Variants in ATP9B observed in about 807,000 individuals in gnomAD.
ATP9B encodes the protein ATPase phospholipid transporting 9B, also known as probable phospholipid-transporting ATPase IIB.
In ATP9B, 110 loss-of-function variants were observed where a neutral mutation model predicts 146.1. That is an observed-to-expected ratio of 0.75 (90% CI 0.65 to 0.88). The LOEUF (loss-of-function observed/expected upper bound fraction) is 0.88. Ranked by LOEUF, ATP9B falls within the 40% of genes least tolerant of loss-of-function variation. ATP9B has a pLI of 0.00. For synonymous variants in ATP9B, 604 were observed against 569.7 expected, an observed-to-expected ratio of 1.06 and a Z score of -0.86; for missense variants, 1,499 against 1,496.4, an observed-to-expected ratio of 1.00 and a Z score of -0.03.
rs188019543 is a variant in ATP9B, at chr18:79,331,640, C to G, written c.2028+1536C>G. ...GAAATGAGGCAGCAGATTCTTCGAGCTGGAGTTAAAAGTGTATTATTCTGC... is the reference window on the plus strand; with the variant it reads ...GAAATGAGGCAGCAGATTCTTCGAGGTGGAGTTAAAAGTGTATTATTCTGC... On this transcript the variant is annotated intron_variant, in intron 17 of 29. Coordinates refer to ENST00000426216, the MANE Select transcript of ATP9B (RefSeq NM_198531.5). Among the ~76,000 whole-genome samples, 248 of 152,074 alleles carry G rather than the reference C, an allele frequency of 1.6e-3. 1 individual carries two copies. Among genetic ancestry groups the G allele is most frequent in the African/African-American group, 5.7e-3 (238 of 41,462 alleles).
intron 9 of ATP9B, among the ~76,000 whole-genome samples, chr18:79,198,360 A>G (rs1284819404): frequency 6.6e-6 from 1 of 152,246 alleles, no homozygotes; most frequent in Non-Finnish European, 1.5e-5. Context: ...GGAGTTACTT[A>G]TAGTAATATC....
intron 9 of ATP9B, among the ~76,000 whole-genome samples, chr18:79,199,214 G>A (rs1047482477): frequency 1.3e-5 from 2 of 152,122 alleles, no homozygotes; most frequent in East Asian, 3.9e-4. Flanking sequence ...GCCTCCCAAA[G>A]TGCTGGGATT....
chr18:79,125,777 TCTA>T (rs745668713), intron 4 of ATP9B, among the ~76,000 whole-genome samples: 24 of 152,218 alleles, frequency 1.6e-4, no homozygotes, highest in Admixed American at 5.2e-4. Flanking sequence ...AATTGTTCAT[TCTA>T]CTGCAGTTAT....
intron 17 of ATP9B, among the ~76,000 whole-genome samples, chr18:79,335,813 T>C (rs957437365): frequency 1.3e-5 from 2 of 152,240 alleles, no homozygotes; most frequent in East Asian, 3.8e-4. Context: ...AGCAACACTC[T>C]TATGAGCCCA....
intron 7 of ATP9B, among the ~76,000 whole-genome samples, chr18:79,165,575 C>T (rs1348361972): frequency 2.6e-5 from 4 of 152,144 alleles, no homozygotes; most frequent in Admixed American, 2.6e-4. Context: ...AGTTATTTAC[C>T]TTTAGGAATA....
intron 11 of ATP9B, among the ~76,000 whole-genome samples, chr18:79,228,962 T>C (rs947969870): frequency 6.6e-6 from 1 of 152,066 alleles, no homozygotes; most frequent in African/African-American, 2.4e-5. Flanking sequence ...AACCAGGAGG[T>C]TGAGGCTGCA....
intron 11 of ATP9B, among the ~76,000 whole-genome samples, chr18:79,238,332 G>T (rs1301312910): frequency 6.6e-6 from 1 of 151,762 alleles, no homozygotes; most frequent in African/African-American, 2.4e-5. Flanking sequence ...TCTCAAGGCT[G>T]TGGGGAGGTC....
intron 19 of ATP9B, among the ~76,000 whole-genome samples, chr18:79,341,936 A>T (rs1430625659): frequency 2.6e-5 from 4 of 152,048 alleles, no homozygotes; most frequent in Non-Finnish European, 4.4e-5. Context: ...AAACCCTGGC[A>T]CCCACCATCT....
intron 1 of ATP9B, chr18:79,087,489 A>G (rs1418067828): frequency 6.6e-6 from 1 of 152,248 alleles, no homozygotes; most frequent in Non-Finnish European, 1.5e-5. Flanking sequence ...ACATTTCTTT[A>G]TAGCACTTAG....
At chr18:79,242,307 A>G (rs2144731528) in intron 11 of ATP9B, among the ~76,000 whole-genome samples, 1 of 152,298 alleles carries the variant, frequency 6.6e-6, no homozygotes, top group African/African-American at 2.4e-5. Flanking sequence ...TATTATATTA[A>G]TGTATTTTAC....
chr18:79,177,602 T>G (rs2095193463), intron 8 of ATP9B, among the ~76,000 whole-genome samples: 1 of 152,216 alleles, frequency 6.6e-6, no homozygotes, highest in African/African-American at 2.4e-5. Flanking sequence ...TGTATTGATA[T>G]TTGCCAATTA....
chr18:79,322,390 A>G (rs2096721004), intron 15 of ATP9B, among the ~76,000 whole-genome samples: 1 of 152,158 alleles, frequency 6.6e-6, no homozygotes, highest in African/African-American at 2.4e-5. Context: ...ACGGCACACC[A>G]TCCCAAATGT....
intron 11 of ATP9B, among the ~76,000 whole-genome samples, chr18:79,216,712 C>A (rs931278524): frequency 2.0e-5 from 3 of 152,084 alleles, no homozygotes; most frequent in Non-Finnish European, 2.9e-5. Flanking sequence ...TTTCCCTGTT[C>A]CTCTCTTCCT....
chr18:79,075,745 C>T (rs189237278), intron 1 of ATP9B, among the ~76,000 whole-genome samples: 52 of 152,014 alleles, frequency 3.4e-4, no homozygotes, highest in African/African-American at 1.1e-3. Context: ...TTTTACCCAC[C>T]GCCATTGTCT....
chr18:79,261,493 A>C (rs1337667924), intron 12 of ATP9B, among the ~76,000 whole-genome samples: 2 of 152,144 alleles, frequency 1.3e-5, no homozygotes, highest in Non-Finnish European at 2.9e-5. Context: ...CACGCCAAGG[A>C]CTGTGAGCAG....
chr18:79,084,421 C>G (rs1229084211), intron 1 of ATP9B, among the ~76,000 whole-genome samples: 1 of 151,824 alleles, frequency 6.6e-6, no homozygotes, highest in Non-Finnish European at 1.5e-5. Context: ...TCACTAATTT[C>G]AGAATGGCAC....
At chr18:79,206,002 G>A (rs567238913) in intron 9 of ATP9B, among the ~76,000 whole-genome samples, 12 of 151,394 alleles carry the variant, frequency 7.9e-5, no homozygotes, top group South Asian at 6.3e-4. Flanking sequence ...GTGAAGTGGC[G>A]TGATCTTGGC....
At chr18:79,152,692 G>C (rs942550542) in intron 6 of ATP9B, among the ~76,000 whole-genome samples, 2 of 152,064 alleles carry the variant, frequency 1.3e-5, no homozygotes, top group African/African-American at 4.8e-5. Flanking sequence ...CACATTTAGA[G>C]CTGTAATTCT....
chr18:79,131,587 C>G (rs1227950620), intron 5 of ATP9B, among the ~76,000 whole-genome samples: 1 of 152,162 alleles, frequency 6.6e-6, no homozygotes, highest in Admixed American at 6.5e-5. Flanking sequence ...CAAAGTGGTT[C>G]AGCAGCTGTG....
Sources: allele counts gnomAD v4.1 joint callset (sites outside exome capture counted in the v4.1 genomes callset), GRCh38; gene constraint gnomAD v4.1.1; transcripts MANE v1.5; gene names NCBI Gene and HGNC (gene_info 2026-07-23, HGNC 2026-07-21).